The following OSBPL9 variants were observed in gnomAD, a reference collection of about 807,000 sequenced individuals.
OSBPL9 encodes the protein oxysterol-binding protein-related protein 9.
A neutral mutation model predicts 106.6 loss-of-function variants in OSBPL9; 40 were observed. That is an observed-to-expected ratio of 0.38 (90% CI 0.29 to 0.49). OSBPL9 has a LOEUF of 0.49. Among genes scored for constraint, OSBPL9 ranks in the 20% least tolerant of loss-of-function variants. OSBPL9 has a pLI of 0.97. For missense variants in OSBPL9, 609 were observed against 887.2 expected, an observed-to-expected ratio of 0.69 and a Z score of 3.98; for synonymous variants, 269 against 295.4, an observed-to-expected ratio of 0.91 and a Z score of 0.92.
the OSBPL9 span, among the ~76,000 whole-genome samples, chr1:51,568,606 G>T: frequency 7.2e-5 from 11 of 152,212 alleles, no homozygotes; most frequent in East Asian, 1.9e-3. Context: ...CCAGGCTGTC[G>T]CCCAGGCTGG....
intron 3 of OSBPL9, among the ~76,000 whole-genome samples, chr1:51,671,595 C>T (rs936631464): frequency 6.6e-6 from 1 of 151,774 alleles, no homozygotes; most frequent in Non-Finnish European, 1.5e-5. Context: ...GTCATCCATT[C>T]CAGGAAAGGA....
chr1:51,544,836 G>GTTT, the OSBPL9 span, among the ~76,000 whole-genome samples: 65 of 126,700 alleles, frequency 5.1e-4, no homozygotes, highest in African/African-American at 1.2e-3. Flanking sequence ...TAAGAGACAT[G>GTTT]CTTTTTTTTT....
chr1:51,782,541 T>C lies in OSBPL9; in HGVS notation c.1429-18T>C, dbSNP rs1557870388. 2.5e-6 allele frequency: 4 copies of C among 1,609,438 alleles called. No homozygotes were observed. Among genetic ancestry groups the C allele is most frequent in the African/African-American group, 1.3e-5 (1 of 74,822 alleles). On this transcript the variant is annotated intron_variant, in intron 16 of 23. Coordinates refer to ENST00000428468, the MANE Select transcript of OSBPL9 (RefSeq NM_024586.6). ...GTGTTTTCTCATCAAAAGAAAATTA[T>C]GTTATATTTGCTTGCAGGAACTAGT...
At chr1:51,691,106 G>A (rs1296391565) in intron 3 of OSBPL9, among the ~76,000 whole-genome samples, 1 of 152,140 alleles carries the variant, frequency 6.6e-6, no homozygotes, top group Admixed American at 6.6e-5. Flanking sequence ...TGCAGGATTG[G>A]AAGTTGCTCT....
intron 15 of OSBPL9, among the ~76,000 whole-genome samples, chr1:51,779,799 C>T (rs572480797): frequency 8.5e-5 from 13 of 152,164 alleles, no homozygotes; most frequent in East Asian, 1.9e-4. Context: ...AATGGTTGGC[C>T]GGGCGCGGTG....
At chr1:51,592,400 C>A (rs749052550) in intron 1 of OSBPL9, among the ~76,000 whole-genome samples, 2 of 152,156 alleles carry the variant, frequency 1.3e-5, no homozygotes, top group Non-Finnish European at 2.9e-5. Flanking sequence ...CAGGCGTGAG[C>A]CACTGTGCCC....
chr1:51,701,391 G>A (rs1398244311), intron 3 of OSBPL9, among the ~76,000 whole-genome samples: 2 of 152,130 alleles, frequency 1.3e-5, no homozygotes, highest in Non-Finnish European at 2.9e-5. Context: ...AAAATCATGA[G>A]TTCATACTGA....
intron 3 of OSBPL9, among the ~76,000 whole-genome samples, chr1:51,674,953 T>A (rs750512103): frequency 3.9e-5 from 6 of 152,196 alleles, no homozygotes; most frequent in Non-Finnish European, 7.3e-5. Context: ...AAAGTTTATG[T>A]ATTTGTATTG....
chr1:51,709,937 G>A (rs1659459809), intron 3 of OSBPL9: 1 of 152,268 alleles, frequency 6.6e-6, no homozygotes, highest in Non-Finnish European at 1.5e-5. Flanking sequence ...GCTGAAGAAA[G>A]TCACCTAAGT....
chr1:51,566,546 A>C, the OSBPL9 span: 1 of 152,190 alleles, frequency 6.6e-6, no homozygotes, highest in African/African-American at 2.4e-5. Flanking sequence ...ATTGATCTAT[A>C]AAGGGAATGG....
chr1:51,780,680 T>C (rs1676168461), intron 15 of OSBPL9, among the ~76,000 whole-genome samples: 1 of 152,082 alleles, frequency 6.6e-6, no homozygotes, highest in South Asian at 2.1e-4. Flanking sequence ...GGCAGAGAAT[T>C]GCTTGAACCT....
At chr1:51,635,927 C>G (rs562078090) in intron 1 of OSBPL9, among the ~76,000 whole-genome samples, 1 of 152,064 alleles carries the variant, frequency 6.6e-6, no homozygotes, top group South Asian at 2.1e-4. Context: ...CTATCTTGAA[C>G]TGATGTGTGG....
At chr1:51,622,742 A>C (rs1644520081) in intron 1 of OSBPL9, among the ~76,000 whole-genome samples, 1 of 152,224 alleles carries the variant, frequency 6.6e-6, no homozygotes, top group African/African-American at 2.4e-5. Flanking sequence ...AAGTGAGAGC[A>C]AAGAGGAAGC....
intron 4 of OSBPL9, among the ~76,000 whole-genome samples, chr1:51,727,757 T>C (rs1170639871): frequency 6.6e-6 from 1 of 152,192 alleles, no homozygotes; most frequent in Non-Finnish European, 1.5e-5. Context: ...TAGTCCCAGC[T>C]ATTTCTGAGG....
At chr1:51,706,634 GT>G (rs1283819781) in intron 3 of OSBPL9, among the ~76,000 whole-genome samples, 1 of 150,202 alleles carries the variant, frequency 6.7e-6, no homozygotes, top group Admixed American at 6.6e-5. Flanking sequence ...TGAACTTCTT[GT>G]TGTTTTCAGC....
At chr1:51,625,088 G>T (rs1009823214) in intron 1 of OSBPL9, among the ~76,000 whole-genome samples, 2 of 152,198 alleles carry the variant, frequency 1.3e-5, no homozygotes, top group African/African-American at 4.8e-5. Flanking sequence ...AAACCTGATT[G>T]GGTTTATATT....
intron 4 of OSBPL9, among the ~76,000 whole-genome samples, chr1:51,714,459 A>G (rs1660666483): frequency 6.6e-6 from 1 of 152,160 alleles, no homozygotes; most frequent in South Asian, 2.1e-4. Flanking sequence ...TTGTTAAAGG[A>G]TTTGGCTATT....
intron 1 of OSBPL9, among the ~76,000 whole-genome samples, chr1:51,593,554 A>G (rs1645286660): frequency 6.6e-6 from 1 of 151,878 alleles, no homozygotes; most frequent in South Asian, 2.1e-4. Context: ...TACCTGGAAT[A>G]CCCTTCTCCC....
At chr1:51,647,216 T>C (rs916314398) in intron 1 of OSBPL9, among the ~76,000 whole-genome samples, 10 of 152,198 alleles carry the variant, frequency 6.6e-5, no homozygotes, top group African/African-American at 2.4e-4. Flanking sequence ...ATTAATATGG[T>C]ATATTATATT....
Sources: gnomAD v4.1 joint callset for allele counts (sites outside exome capture counted in the v4.1 genomes callset) on GRCh38, gnomAD v4.1.1 for gene constraint, MANE v1.5 for transcripts, NCBI Gene and HGNC (gene_info 2026-07-23, HGNC 2026-07-21) for gene names.